The following GPR158 variants were observed in gnomAD, a reference collection of about 807,000 sequenced individuals.
The protein encoded by GPR158 is metabotropic glycine receptor.
A neutral mutation model predicts 78.2 loss-of-function variants in GPR158; 30 were observed. The ratio of observed to expected loss-of-function variants is 0.38; its 90% CI spans 0.29 to 0.52. The LOEUF is 0.52. Ranked by LOEUF, GPR158 falls within the 20% of genes least tolerant of loss-of-function variation. The pLI is 0.83. For synonymous variants in GPR158, 581 were observed against 591.1 expected (o/e 0.98, Z 0.25); for missense variants, 1,463 against 1,523.5 (o/e 0.96, Z 0.66).
chr10:25,203,066 T>A (rs1464721756), intron 1 of GPR158, among the ~76,000 whole-genome samples: 1 of 152,234 alleles, frequency 6.6e-6, no homozygotes, highest in East Asian at 1.9e-4. Flanking sequence ...TTGAGAAGTG[T>A]CTGTTCATAT....
chr10:25,504,073 T>C (rs1286447834), intron 5 of GPR158, among the ~76,000 whole-genome samples: 3 of 151,992 alleles, frequency 2.0e-5, no homozygotes, highest in Non-Finnish European at 4.4e-5. Context: ...GTATTATTAA[T>C]AGACATAGGG....
chr10:25,332,576 A>G (rs767597674), intron 2 of GPR158, among the ~76,000 whole-genome samples: 7 of 152,134 alleles, frequency 4.6e-5, no homozygotes, highest in Non-Finnish European at 8.8e-5. Flanking sequence ...CTGGTACTGT[A>G]TTTGCAGAGG....
In GPR158 at chr10:25,516,905, A is replaced by G. The variant is rs1481369504; in HGVS notation, c.1405-34071A>G. On this transcript the variant is annotated intron_variant, in intron 5 of 10. Coordinates refer to ENST00000376351, the MANE Select transcript of GPR158 (RefSeq NM_020752.3). ...TAAAGTAGTTTTTTCCAATTCTGTG[A>G]AGAAAGTCATTGGTAGCTTGATGGG... is the stretch of plus-strand genomic sequence containing the variant. Among the ~76,000 whole-genome samples, 519 of 142,976 alleles carry G rather than the reference A, an allele frequency of 3.6e-3. 27 individuals carry two copies. The highest frequency in any genetic ancestry group is 0.014 in the African/African-American group (496 of 35,934). 93.8% of individuals were successfully genotyped at this position (142,976 alleles called of 152,430 possible).
Position 25,571,256 on chromosome 10 carries a change from C to T in GPR158, c.1515-1393C>T, listed in dbSNP as rs535900665. ...CTTGTATCTGTTACTATATTTCTGA[C>T]GTTCCACAGAAAAATTGAGAAGTAT... On this transcript the variant is annotated intron_variant, in intron 6 of 10. Coordinates refer to ENST00000376351, the MANE Select transcript of GPR158 (RefSeq NM_020752.3). Among the ~76,000 whole-genome samples, 26 of 152,208 alleles carry T rather than the reference C, an allele frequency of 1.7e-4. No homozygotes were observed. The South Asian group carries it at 3.3e-3, about 19-fold the overall frequency.
chr10:25,416,846 C>G (rs1009337737), intron 4 of GPR158, among the ~76,000 whole-genome samples: 1 of 152,022 alleles, frequency 6.6e-6, no homozygotes, highest in African/African-American at 2.4e-5. Context: ...AAAAACACTT[C>G]TAGAAGATTA....
At chr10:25,486,306 A>G (rs1287026802) in intron 5 of GPR158, among the ~76,000 whole-genome samples, 1 of 152,122 alleles carries the variant, frequency 6.6e-6, no homozygotes, top group African/African-American at 2.4e-5. Context: ...TATCTGAACA[A>G]TCTTGAGCTT....
At chr10:25,303,496 G>T (rs1326133858) in intron 2 of GPR158, among the ~76,000 whole-genome samples, 1 of 152,166 alleles carries the variant, frequency 6.6e-6, no homozygotes, top group African/African-American at 2.4e-5. Flanking sequence ...AAACAAAGCT[G>T]GGAAGGAAAA....
intron 4 of GPR158, among the ~76,000 whole-genome samples, chr10:25,421,580 C>T (rs1280120114): frequency 6.6e-6 from 1 of 152,028 alleles, no homozygotes; most frequent in Non-Finnish European, 1.5e-5. Context: ...ATGTTATTTA[C>T]TTCTAGAGGT....
At chr10:25,485,441 G>A (rs923857570) in intron 5 of GPR158, among the ~76,000 whole-genome samples, 4 of 152,052 alleles carry the variant, frequency 2.6e-5, no homozygotes, top group African/African-American at 7.2e-5. Context: ...CCATGTAAAC[G>A]TGAGATTGAA....
At chr10:25,247,011 C>T (rs1446229312) in intron 2 of GPR158, among the ~76,000 whole-genome samples, 1 of 152,150 alleles carries the variant, frequency 6.6e-6, no homozygotes, top group Non-Finnish European at 1.5e-5. Flanking sequence ...TGGTGAAAGT[C>T]AACGGTGCCT....
At chr10:25,459,473 G>A (rs370543869) in intron 4 of GPR158, among the ~76,000 whole-genome samples, 11 of 152,076 alleles carry the variant, frequency 7.2e-5, no homozygotes, top group African/African-American at 2.7e-4. Context: ...TCTAAATGTT[G>A]TAAGTCTGAA....
intron 5 of GPR158, among the ~76,000 whole-genome samples, chr10:25,498,095 T>C (rs1012591064): frequency 4.4e-4 from 67 of 152,286 alleles, no homozygotes; most frequent in Admixed American, 3.9e-3. Context: ...TTAATGTATA[T>C]TGTACGCAGA....
At chr10:25,471,492 G>T (rs973147814) in intron 5 of GPR158, among the ~76,000 whole-genome samples, 2 of 152,108 alleles carry the variant, frequency 1.3e-5, no homozygotes, top group African/African-American at 2.4e-5. Context: ...TGGGATTGCT[G>T]GGTCAAATGG....
rs537196935 is a variant in GPR158 at position 25,231,958 on chromosome 10, G to A, written c.1008+10801G>A. Among the ~76,000 whole-genome samples, 2 of 152,278 alleles carry A rather than the reference G, an allele frequency of 1.3e-5. 1 individual carries two copies. The highest frequency in any genetic ancestry group is 3.9e-4 in the East Asian group (2 of 5,184). On this transcript the variant is annotated intron_variant, in intron 2 of 10. Coordinates refer to ENST00000376351, the MANE Select transcript of GPR158 (RefSeq NM_020752.3). The stretch of plus-strand genomic sequence containing the variant: ...GTGGGTGATCTGCAGCATATGCAGG[G>A]CAGGGCAAGAGTAGGCTGGGGCGAG...
intron 2 of GPR158, among the ~76,000 whole-genome samples, chr10:25,283,128 T>G (rs1854300265): frequency 6.6e-6 from 1 of 152,042 alleles, no homozygotes; most frequent in South Asian, 2.1e-4. Flanking sequence ...AGTGAAATCA[T>G]TTAGAGCTGA....
chr10:25,479,783 C>T (rs1245253122), intron 5 of GPR158, among the ~76,000 whole-genome samples: 1 of 151,924 alleles, frequency 6.6e-6, no homozygotes, highest in Admixed American at 6.6e-5. Context: ...ATTTAAGACC[C>T]CTTTTATTTC....
At chr10:25,395,890 G>A in intron 2 of GPR158, 21 bp from the exon 3 acceptor site, 1 of 1,184,222 alleles carries the variant, frequency 8.4e-7, no homozygotes, top group African/African-American at 1.5e-5. Context: ...CAACTATGTT[G>A]CTGTCTTTTC....
intron 2 of GPR158, among the ~76,000 whole-genome samples, chr10:25,372,185 A>G (rs1236598567): frequency 2.1e-4 from 32 of 151,988 alleles, no homozygotes; most frequent in African/African-American, 7.2e-4. Flanking sequence ...TTAGAATGGC[A>G]ATCATTAAAA....
chr10:25,399,124 T>G (rs1834407362), intron 3 of GPR158, among the ~76,000 whole-genome samples: 1 of 152,168 alleles, frequency 6.6e-6, no homozygotes, highest in South Asian at 2.1e-4. Flanking sequence ...AGGCACCTCT[T>G]CACAGGGTGG....
Sources: allele counts gnomAD v4.1 joint callset (sites outside exome capture counted in the v4.1 genomes callset), GRCh38; gene constraint gnomAD v4.1.1; transcripts MANE v1.5; gene names NCBI Gene and HGNC (gene_info 2026-07-23, HGNC 2026-07-21).